Variants in M1AP observed in about 807,000 individuals in gnomAD.
M1AP encodes meiosis 1 associated protein.
In M1AP, 39 loss-of-function variants were observed where a neutral mutation model predicts 51.2. The observed-to-expected ratio is 0.76, with a 90% CI of 0.59 to 1.00. The LOEUF is 1.00. M1AP is among the 50% of genes least tolerant of loss of function. The probability of loss-of-function intolerance (pLI) is 0.00; values close to 1 mark genes in which losing one functional copy is unlikely to be tolerated. For missense variants in M1AP, 545 were observed against 641.2 expected (o/e 0.85, Z 1.62); for synonymous variants, 251 against 249.2 (o/e 1.01, Z -0.07).
chr2:74,607,639 A>G (rs894188499), intron 3 of M1AP, among the ~76,000 whole-genome samples: 11 of 151,926 alleles, frequency 7.2e-5, no homozygotes, highest in Admixed American at 1.3e-4. Flanking sequence ...ACACCCGGGT[A>G]ATTTTTTTTG....
chr2:74,570,244 C>T (rs997930697), intron 7 of M1AP, among the ~76,000 whole-genome samples: 9 of 151,990 alleles, frequency 5.9e-5, no homozygotes, highest in African/African-American at 1.5e-4. Context: ...AACCTAAGGC[C>T]GTCTGATTCC....
chr2:74,643,345 A>G (rs1009606664), intron 1 of M1AP, among the ~76,000 whole-genome samples: 2 of 152,240 alleles, frequency 1.3e-5, no homozygotes, highest in African/African-American at 2.4e-5. Flanking sequence ...TCTAAGAAAC[A>G]TAATATTGAG....
chr2:74,622,545 T>C, intron 2 of M1AP, among the ~76,000 whole-genome samples: 1 of 99,762 alleles, frequency 1.0e-5, no homozygotes, highest in Non-Finnish European at 1.9e-5. Flanking sequence ...ATTGCCTGCT[T>C]TTTTTTTTTT....
chr2:74,626,267 T>G (rs1682387309), intron 2 of M1AP, among the ~76,000 whole-genome samples: 1 of 150,924 alleles, frequency 6.6e-6, no homozygotes, highest in East Asian at 1.9e-4. Context: ...GTTTTTTTTT[T>G]TTTTTTTTTT....
chr2:74,582,146 G>A (rs931890106), intron 4 of M1AP, among the ~76,000 whole-genome samples: 16 of 152,130 alleles, frequency 1.1e-4, no homozygotes, highest in Non-Finnish European at 8.8e-5. Context: ...TGTTGCTCAG[G>A]CTGGTCTCTA....
At chr2:74,647,982 C>A in intron 1 of M1AP, 1 of 983,104 alleles carries the variant, frequency 1.0e-6, no homozygotes, top group Non-Finnish European at 1.2e-6. Flanking sequence ...CCGTGCCTGG[C>A]GGATCAGCAG....
rs755098761 is a variant in M1AP, at chr2:74,558,834, G to A, written c.1475C>T (p.Ala492Val). 4.4e-6 allele frequency: 7 copies of A among 1,604,356 alleles called. No homozygotes were observed. In the South Asian group the frequency reaches 4.5e-5, roughly 10 times the overall value. ...TGGGACAGGAGTCATAGGCAGGGGG[G>A]CCACAGTAGCTCGAGCTCGGTTGGT... ...LQTNRARATV[A>V]PLPMTPVPGR... Residue 492 changes from alanine (A) to valine (V), a missense_variant, in exon 11 of 11, where the codon GCC becomes GTC. Coordinates refer to ENST00000421985, the MANE Select transcript of M1AP (RefSeq NM_001321739.2).
chr2:74,625,635 G>T (rs1244351245), intron 2 of M1AP, among the ~76,000 whole-genome samples: 1 of 152,102 alleles, frequency 6.6e-6, no homozygotes, highest in East Asian at 1.9e-4. Context: ...GGCACTGGAG[G>T]GACATAAAGA....
At chr2:74,585,696 G>A (rs1481812787) in intron 4 of M1AP, among the ~76,000 whole-genome samples, 1 of 152,224 alleles carries the variant, frequency 6.6e-6, no homozygotes, top group Non-Finnish European at 1.5e-5. Context: ...AGTTTCAGAA[G>A]GGAGTGAGCA....
intron 3 of M1AP, among the ~76,000 whole-genome samples, chr2:74,612,964 G>A (rs1159967353): frequency 6.7e-6 from 1 of 148,236 alleles, no homozygotes; most frequent in East Asian, 1.9e-4. Flanking sequence ...TTCTGCTCTG[G>A]GTTTTTTTTC....
chr2:74,585,082 A>G (rs1006656354), intron 4 of M1AP, among the ~76,000 whole-genome samples: 15 of 152,026 alleles, frequency 9.9e-5, no homozygotes, highest in African/African-American at 3.4e-4. Context: ...AGCTCAAGTA[A>G]TCCATCTGCC....
chr2:74,640,155 G>A lies in M1AP; in HGVS notation c.121C>T (p.Leu41Phe), dbSNP rs1374961536. 1.2e-6 allele frequency: 2 copies of A among 1,614,004 alleles called. No homozygotes were observed. The highest frequency in any genetic ancestry group is 1.7e-6 in the Non-Finnish European group (2 of 1,179,986). Residue 41 changes from leucine to phenylalanine, a missense_variant, in exon 2 of 11, where the codon CTC (leucine) becomes TTC (phenylalanine). Leu to Phe is a conservative substitution (Grantham distance 22). Coordinates refer to ENST00000421985, the MANE Select transcript of M1AP (RefSeq NM_001321739.2). ...LPSWADICTN[L>F]CEALQNFFSL... ...AAGAAGTTCTGCAGAGCCTCACAGA[G>A]GTTGGTGCAGATGTCAGCCCAGGAC...
At chr2:74,576,901 C>A (rs968207450) in intron 5 of M1AP, 7 of 1,148,776 alleles carry the variant, frequency 6.1e-6, no homozygotes, top group Non-Finnish European at 5.4e-6. Context: ...TACTTCTGGG[C>A]TGGCTGAGCA....
At chr2:74,563,704 G>T (rs1305824799) in intron 7 of M1AP, among the ~76,000 whole-genome samples, 1 of 151,918 alleles carries the variant, frequency 6.6e-6, no homozygotes, top group Admixed American at 6.6e-5. Context: ...AGGACAAGAA[G>T]AGTCAGGATT....
intron 2 of M1AP, among the ~76,000 whole-genome samples, chr2:74,618,283 T>G (rs140280840): frequency 6.6e-6 from 1 of 152,130 alleles, no homozygotes; most frequent in African/African-American, 2.4e-5. Flanking sequence ...ATGCAGACAG[T>G]TCACCCCAGG....
chr2:74,602,863 T>C (rs983920265), intron 4 of M1AP, among the ~76,000 whole-genome samples: 3 of 152,188 alleles, frequency 2.0e-5, no homozygotes, highest in African/African-American at 7.2e-5. Flanking sequence ...CTTTCCTGCA[T>C]TTAAAAGCTG....
intron 3 of M1AP, among the ~76,000 whole-genome samples, chr2:74,611,882 GTTTTTTTTTTTTTTT>G (rs1188013311): frequency 1.6e-4 from 7 of 42,912 alleles, no homozygotes; most frequent in Admixed American, 4.4e-4. Context: ...ACAAAAAAGT[GTTTTTTTTTTTTTTT>G]TTTTTTTTTT....
chr2:74,611,737 CAGG>C (rs1025688834), intron 3 of M1AP, among the ~76,000 whole-genome samples: 48 of 151,564 alleles, frequency 3.2e-4, no homozygotes, highest in Middle Eastern at 3.4e-3. Flanking sequence ...GAAGCTGAGG[CAGG>C]AGAATTGCTT....
chr2:74,601,842 A>G (rs1680697489), intron 4 of M1AP, among the ~76,000 whole-genome samples: 1 of 152,298 alleles, frequency 6.6e-6, no homozygotes, highest in South Asian at 2.1e-4. Context: ...TTTTACAGTG[A>G]TCCTGGATCT....
Sources: allele counts gnomAD v4.1 joint callset (sites outside exome capture counted in the v4.1 genomes callset), GRCh38; gene constraint gnomAD v4.1.1; transcripts MANE v1.5; gene names NCBI Gene and HGNC (gene_info 2026-07-23, HGNC 2026-07-21).